MYO1E: variants seen among roughly 807,000 people sequenced by gnomAD.
MYO1E encodes unconventional myosin-Ie.
MYO1E carries 68 observed loss-of-function variants against 151.1 expected under a neutral mutation model. That is an observed-to-expected ratio of 0.45 (90% CI 0.37 to 0.55). MYO1E has a LOEUF of 0.55. Among genes scored for constraint, MYO1E ranks in the 20% least tolerant of loss-of-function variants. MYO1E has a pLI of 0.00. For missense variants in MYO1E, 1,363 were observed against 1,389.3 expected, an observed-to-expected ratio of 0.98 and a Z score of 0.30; for synonymous variants, 601 against 501.7, an observed-to-expected ratio of 1.20 and a Z score of -2.64.
Position 59,214,673 on chromosome 15 carries a change from G to T in MYO1E, c.1155C>A (p.Gly385=). 6.2e-7 allele frequency: 1 copy of T among 1,613,720 alleles called. No individual in the cohort carries two copies. Among genetic ancestry groups the T allele is most frequent in the Non-Finnish European group, 8.5e-7 (1 of 1,179,630 alleles). The part of the protein sequence containing the change: ...MEKDHEEYNI[G]VLDIYGFEIF... ...TTTCAAAGCCATAGATGTCTAGGAC[G>T]CCAATGTTGTATTCTTCATGGTCTT... Residue 385 remains glycine, a synonymous_variant, in exon 11 of 28, where the codon GGC becomes GGA. Coordinates refer to ENST00000288235, the MANE Select transcript of MYO1E (RefSeq NM_004998.4).
chr15:59,243,446 G>A (rs547773879), intron 4 of MYO1E, among the ~76,000 whole-genome samples: 1 of 152,252 alleles, frequency 6.6e-6, no homozygotes, highest in East Asian at 1.9e-4. Context: ...TGTGTGGTAG[G>A]TGCTTTTATA....
chr15:59,134,615 C>G lies in MYO1E; in HGVS notation c.*2765G>C, dbSNP rs1326499758. Reference sequence around the variant, plus strand: ...CTCTACCCTAGGGTACACAGTCAGGCCTTCTCATTTAGTTCCTGGTTACTT... The same window carrying G: ...CTCTACCCTAGGGTACACAGTCAGGGCTTCTCATTTAGTTCCTGGTTACTT... On this transcript the variant is annotated 3_prime_UTR_variant, in exon 28 of 28. Transcript: ENST00000288235. 4 of 152,234 alleles carry G rather than the reference C, an allele frequency of 2.6e-5. No individual in the cohort carries two copies. Among genetic ancestry groups the G allele is most frequent in the Non-Finnish European group, 5.9e-5 (4 of 68,070 alleles). 9.4% of individuals were successfully genotyped at this position (152,234 alleles called of 1,614,324 possible). A position where few individuals can be genotyped will look rare whatever the true frequency, so the allele number is the denominator to read the frequency against.
chr15:59,347,200 CA>C (rs11361004), intron 1 of MYO1E, among the ~76,000 whole-genome samples: 2,401 of 152,276 alleles, frequency 0.016, 61 homozygotes, highest in African/African-American at 0.054. Context: ...CCTGTAAGAT[CA>C]AAGCAGCACT....
chr15:59,316,391 C>T (rs2080589122), intron 1 of MYO1E, among the ~76,000 whole-genome samples: 1 of 152,150 alleles, frequency 6.6e-6, no homozygotes. Context: ...GGTCTGCTCT[C>T]CAGACTGGAG....
intron 26 of MYO1E, among the ~76,000 whole-genome samples, chr15:59,152,527 C>A (rs1269957483): frequency 1.3e-5 from 2 of 152,200 alleles, no homozygotes; most frequent in African/African-American, 2.4e-5. Context: ...CTAGTTCAAC[C>A]TCCATGAAGT....
chr15:59,138,858 C>G (rs1596337915), intron 26 of MYO1E, among the ~76,000 whole-genome samples: 1 of 152,090 alleles, frequency 6.6e-6, no homozygotes, highest in Non-Finnish European at 1.5e-5. Context: ...GTAAATACCC[C>G]TAGCCAATAT....
rs1359034547 is a variant in MYO1E, at chr15:59,135,835, G to T, written c.*1545C>A. ...TATGGCACCCAGAGGAGGAAAGGTA[G>T]AGAAATGGCAGTCTCTACTTACAAC... is the stretch of plus-strand genomic sequence containing the variant. On this transcript the variant is annotated 3_prime_UTR_variant, in exon 28 of 28. Coordinates refer to ENST00000288235, the MANE Select transcript of MYO1E (RefSeq NM_004998.4). 2 of 152,210 alleles carry T rather than the reference G, an allele frequency of 1.3e-5. No individual in the cohort carries two copies. Among genetic ancestry groups the T allele is most frequent in the African/African-American group, 4.8e-5 (2 of 41,450 alleles). The allele number at this position is 152,210 out of a possible 1,614,324, so 9.4% of individuals were successfully genotyped here.
Position 59,174,937 on chromosome 15 carries a change from G to A in MYO1E, c.2050-697C>T, listed in dbSNP as rs181448288. Among the ~76,000 whole-genome samples the A allele has an allele frequency of 4.3e-3, 652 of 152,270 alleles. 2 individuals carry two copies. Among genetic ancestry groups the A allele is most frequent in the Non-Finnish European group, 7.5e-3 (511 of 68,022 alleles). On this transcript the variant is annotated intron_variant, in intron 19 of 27. Transcript: ENST00000288235. ...TTGAGAGTCCGGCCATTTTACCAAT[G>A]AATGCTGACAGCTGCGCCTCAACCA...
intron 1 of MYO1E, among the ~76,000 whole-genome samples, chr15:59,324,128 C>T (rs767130851): frequency 2.6e-5 from 4 of 152,064 alleles, no homozygotes; most frequent in African/African-American, 4.8e-5. Context: ...AAGGCTCAGC[C>T]GACAGAACGT....
At chr15:59,193,401 A>G (rs1358597503) in intron 17 of MYO1E, among the ~76,000 whole-genome samples, 1 of 152,222 alleles carries the variant, frequency 6.6e-6, no homozygotes, top group Non-Finnish European at 1.5e-5. Context: ...TCCTGGGTGT[A>G]AGCATTTTAC....
intron 4 of MYO1E, among the ~76,000 whole-genome samples, chr15:59,252,669 C>T (rs1355586725): frequency 1.3e-4 from 20 of 151,054 alleles, no homozygotes; most frequent in African/African-American, 9.7e-5. Flanking sequence ...GAGCCAAGAT[C>T]GTGCCACTGC....
intron 19 of MYO1E, among the ~76,000 whole-genome samples, chr15:59,177,402 G>A (rs1373015277): frequency 6.6e-6 from 1 of 152,194 alleles, no homozygotes; most frequent in East Asian, 1.9e-4. Context: ...CCTTAGAGGA[G>A]AAGAAAACTA....
intron 16 of MYO1E, among the ~76,000 whole-genome samples, chr15:59,197,386 T>G (rs1474633915): frequency 2.0e-5 from 3 of 152,320 alleles, no homozygotes; most frequent in South Asian, 4.1e-4. Flanking sequence ...TAAGAAAACA[T>G]AGAGAGGCAA....
At chr15:59,149,055 T>TTG (rs2079459916) in intron 26 of MYO1E, among the ~76,000 whole-genome samples, 2 of 49,498 alleles carry the variant, frequency 4.0e-5, no homozygotes, top group African/African-American at 1.3e-4. Context: ...TTTTTTTGTT[T>TTG]TTTTTTTTTT....
intron 2 of MYO1E, among the ~76,000 whole-genome samples, chr15:59,267,784 T>C (rs979702863): frequency 3.9e-5 from 6 of 152,230 alleles, no homozygotes; most frequent in Non-Finnish European, 8.8e-5. Flanking sequence ...CTGTAATGTT[T>C]TCCTCATAGA....
At chr15:59,178,988 C>A (rs991646158) in intron 18 of MYO1E, among the ~76,000 whole-genome samples, 1 of 152,196 alleles carries the variant, frequency 6.6e-6, no homozygotes, top group Admixed American at 6.5e-5. Context: ...TCAACTTTCA[C>A]CTTTGAAATT....
intron 18 of MYO1E, among the ~76,000 whole-genome samples, chr15:59,184,753 C>T (rs934686120): frequency 4.6e-5 from 7 of 152,216 alleles, no homozygotes; most frequent in East Asian, 1.9e-4. Context: ...TAAACACAGG[C>T]GTGAACATAT....
At chr15:59,170,231 A>G (rs1324521611) in intron 22 of MYO1E, among the ~76,000 whole-genome samples, 1 of 152,232 alleles carries the variant, frequency 6.6e-6, no homozygotes, top group Admixed American at 6.5e-5. Flanking sequence ...TTATGGTCCC[A>G]GTCATGAGCA....
In MYO1E at chr15:59,161,104, G is replaced by C. The variant is rs779903011; in HGVS notation, c.2754C>G (p.Val918=). 4 of 1,613,924 alleles carry C rather than the reference G, an allele frequency of 2.5e-6. No homozygotes were observed. The highest frequency in any genetic ancestry group is 3.3e-5 in the Admixed American group (2 of 60,022). ...TCTTGGGCAGTCCAGGTCCGATGCT[G>C]ACCTGCAGCACTTTGTTACTGGGCT... ...VLKPSNKVLQ[V]SIGPGLPKNS... is the part of the protein sequence containing the mutation. Residue 918 remains valine (V), a synonymous_variant, in exon 24 of 28, where the codon GTC becomes GTG. Coordinates refer to ENST00000288235, the MANE Select transcript of MYO1E (RefSeq NM_004998.4).
Sources: allele counts gnomAD v4.1 joint callset (sites outside exome capture counted in the v4.1 genomes callset), GRCh38; gene constraint gnomAD v4.1.1; transcripts MANE v1.5; gene names NCBI Gene and HGNC (gene_info 2026-07-23, HGNC 2026-07-21).